Variants in SPTBN2 observed in about 807,000 individuals in gnomAD.
The protein encoded by SPTBN2 is spectrin beta chain, non-erythrocytic 2.
SPTBN2 carries 107 observed loss-of-function variants against 284.2 expected under a neutral mutation model. The observed-to-expected ratio is 0.38, with a 90% confidence interval of 0.32 to 0.44. The LOEUF (loss-of-function observed/expected upper bound fraction) is 0.44. Among genes scored for constraint, SPTBN2 ranks in the 20% least tolerant of loss-of-function variants. The probability of loss-of-function intolerance (pLI) is 1.00; values close to 1 mark genes in which losing one functional copy is unlikely to be tolerated. For missense variants in SPTBN2, 2,569 were observed against 3,287.1 expected (o/e 0.78, Z 5.34); for synonymous variants, 1,289 against 1,354.8 (o/e 0.95, Z 1.07).
In SPTBN2 at chr11:66,710,998, T is replaced by G; in HGVS notation, c.804A>C (p.Ser268=). 1 of 1,614,208 alleles carries G rather than the reference T, an allele frequency of 6.2e-7. No individual in the cohort carries two copies. The highest frequency in any genetic ancestry group is 2.2e-5 in the East Asian group (1 of 44,882). Residue 268 remains serine, a synonymous_variant, in exon 9 of 38, where the codon TCA becomes TCC. Coordinates refer to ENST00000533211, the MANE Select transcript of SPTBN2 (RefSeq NM_006946.4). The surrounding 1 kb of genome is among the most constrained non-coding windows in gnomAD (Gnocchi z 4.9). Reference sequence around the variant, plus strand: ...AGTAAGTAGCCACATAGGTAATGATTGACTTCTCATCTGGCTGGTCCACAT... The same window carrying G: ...AGTAAGTAGCCACATAGGTAATGATGGACTTCTCATCTGGCTGGTCCACAT... ...DVNVDQPDEK[S]IITYVATYYH...
At position 66,693,500 on chromosome 11, in the gene SPTBN2, G is replaced by T. The variant is rs1940707310; in HGVS notation, c.4594-54C>A. On this transcript the variant is annotated intron_variant, in intron 23 of 37. Coordinates refer to ENST00000533211, the MANE Select transcript of SPTBN2 (RefSeq NM_006946.4). This position sits in a 1 kb window ranked among gnomAD's most constrained non-coding sequence, Gnocchi z 5.7. ...TGAAAGTCCTGCCCCAGCCCCACGT[G>T]CTCCCGGAGACCACCCTTCACCCCT... is the stretch of plus-strand genomic sequence containing the variant. 6.4e-7 allele frequency: 1 copy of T among 1,560,250 alleles called. No homozygotes were observed. Among genetic ancestry groups the T allele is most frequent in the Non-Finnish European group, 8.6e-7 (1 of 1,160,992 alleles).
Position 66,684,925 on chromosome 11 carries a change from T to C in SPTBN2, c.*946A>G, listed in dbSNP as rs1396261617. Among the ~76,000 whole-genome samples the C allele has an allele frequency of 6.6e-6, 1 of 152,030 alleles. No individual in the cohort carries two copies. The highest frequency in any genetic ancestry group is 1.5e-5 in the Non-Finnish European group (1 of 68,002). On this transcript the variant is annotated 3_prime_UTR_variant, in exon 38 of 38. Coordinates refer to ENST00000533211, the MANE Select transcript of SPTBN2 (RefSeq NM_006946.4). Reference sequence around the variant, plus strand: ...TCCCAGTCTTCCAATTTGAAAACAGTTTAGAGATCACAAGTGAAGAAAATT... The same window carrying C: ...TCCCAGTCTTCCAATTTGAAAACAGCTTAGAGATCACAAGTGAAGAAAATT...
Position 66,724,274 on chromosome 11 carries a change from T to C in SPTBN2, c.-113-2834A>G, listed in dbSNP as rs1168424585. ...CCGTCTCTACTAAAAATACAAAAAA[T>C]CAGCTGGGCATGGTGGCAGGTGCCT... On this transcript the variant is annotated intron_variant, in intron 1 of 37. Transcript: ENST00000533211. Among the ~76,000 whole-genome samples, 3 of 152,006 alleles carry C rather than the reference T, an allele frequency of 2.0e-5. No homozygotes were observed. In the East Asian group the frequency reaches 5.8e-4, roughly 29 times the overall value.
Position 66,685,733 on chromosome 11 carries a change from C to G in SPTBN2, c.*138G>C. 5.1e-6 allele frequency: 4 copies of G among 783,718 alleles called. No individual in the cohort carries two copies. The highest frequency in any genetic ancestry group is 8.7e-6 in the Non-Finnish European group (4 of 458,436). The allele number at this position is 783,718 out of a possible 1,614,324, so 48.5% of individuals were successfully genotyped here. On this transcript the variant is annotated 3_prime_UTR_variant, in exon 38 of 38. Transcript: ENST00000533211. The surrounding 1 kb of genome is among the most constrained non-coding windows in gnomAD (Gnocchi z 4.4). ...GGGAACATGGACTCGTCCCCAGTGA[C>G]AGTTCCTGGTGATGGGTTGACCTTG...
At chr11:66,694,656 C>A (rs528234421) in intron 21 of SPTBN2, among the ~76,000 whole-genome samples, 6 of 152,332 alleles carry the variant, frequency 3.9e-5, no homozygotes, top group African/African-American at 1.4e-4. Flanking sequence ...CAAACCTGCA[C>A]CCACACCCGC....
rs892657338 is a variant in SPTBN2, at chr11:66,691,752, C to T, written c.5191-94G>A. Reference sequence around the variant, plus strand: ...GAGTCCTCCACTCCAAACTCAGAACCCACCTCTCCCCGCTGCATGGGGGCC... The same window carrying T: ...GAGTCCTCCACTCCAAACTCAGAACTCACCTCTCCCCGCTGCATGGGGGCC... On this transcript the variant is annotated intron_variant, in intron 26 of 37. Transcript: ENST00000533211. This position sits in a 1 kb window ranked among gnomAD's most constrained non-coding sequence, Gnocchi z 8.0. The T allele has an allele frequency of 1.3e-6, 2 of 1,569,800 alleles. No individual in the cohort carries two copies. The highest frequency in any genetic ancestry group is 2.7e-5 in the African/African-American group (2 of 74,264).
At chr11:66,732,469 G>A (rs1942820030), upstream of SPTBN2, among the ~76,000 whole-genome samples, 1 of 152,114 alleles carries the variant, frequency 6.6e-6, no homozygotes, top group Non-Finnish European at 1.5e-5. Context: ...CTAACACAGT[G>A]AAACCCCTTT....
At position 66,710,761 on chromosome 11, in the gene SPTBN2, G is replaced by A; in HGVS notation, c.894C>T (p.Asp298=). 6.2e-7 allele frequency: 1 copy of A among 1,614,014 alleles called. No homozygotes were observed. Among genetic ancestry groups the A allele is most frequent in the Non-Finnish European group, 8.5e-7 (1 of 1,180,024 alleles). The change falls in exon 10 of 38, where the codon GAC becomes GAT. Residue 298 remains aspartate, a synonymous_variant. Coordinates refer to ENST00000533211, the MANE Select transcript of SPTBN2 (RefSeq NM_006946.4). The surrounding 1 kb of genome is among the most constrained non-coding windows in gnomAD (Gnocchi z 4.9). The part of the protein sequence containing the change: ...VEGKRIGKVL[D]HAMEAERLVE... ...CCAGGCGCTCTGCCTCCATGGCATG[G>A]TCCAGCACCTGGGAGGCAGAAGACA...
intron 1 of SPTBN2, among the ~76,000 whole-genome samples, chr11:66,741,692 G>A (rs911595525): frequency 6.6e-6 from 1 of 152,034 alleles, no homozygotes; most frequent in African/African-American, 2.4e-5. Flanking sequence ...CTTAACCAAG[G>A]GCAGGTCATT....
upstream of SPTBN2, among the ~76,000 whole-genome samples, chr11:66,731,174 T>G (rs1365780323): frequency 6.6e-6 from 1 of 152,210 alleles, no homozygotes; most frequent in Non-Finnish European, 1.5e-5. Flanking sequence ...TATCAGCCGT[T>G]ATGATTTTAC....
chr11:66,700,722 G>A lies in SPTBN2; in HGVS notation c.3377C>T (p.Ala1126Val), dbSNP rs1941191019. 1 of 1,603,760 alleles carries A rather than the reference G, an allele frequency of 6.2e-7. No homozygotes were observed. ...RAQSEYSRLR[A>V]LGEEVTRDQA... The stretch of plus-strand genomic sequence containing the variant: ...GTCCCGGGTCACCTCCTCGCCCAGG[G>A]CTCGCAGCCGGCTATACTCGCTCTG... Residue 1126 changes from alanine to valine, a missense_variant, in exon 17 of 38, where the codon GCC becomes GTC. Physicochemically the swap from Ala to Val is moderately conservative, Grantham distance 64. Transcript: ENST00000533211. This position sits in a 1 kb window ranked among gnomAD's most constrained non-coding sequence, Gnocchi z 6.6.
Position 66,691,313 on chromosome 11 carries a change from C to CGTA in SPTBN2, c.5533_5535dup (p.Tyr1845dup), listed in dbSNP as rs1037582929. 1.4e-5 allele frequency: 22 copies of CGTA among 1,544,776 alleles called. No homozygotes were observed. Among genetic ancestry groups the CGTA allele is most frequent in the Non-Finnish European group, 1.9e-5 (22 of 1,141,594 alleles). ...GGGCTGAGGGCCTGAATGTCATGCT[C>CGTA]GTAGGCACAGTGTCGGCGCTGCAGG... On this transcript the variant is annotated inframe_insertion, in exon 27 of 38. Transcript: ENST00000533211. This position sits in a 1 kb window ranked among gnomAD's most constrained non-coding sequence, Gnocchi z 8.0.
At chr11:66,716,055 G>A in intron 3 of SPTBN2, 74 bp from the exon 4 acceptor site, 3 of 1,602,394 alleles carry the variant, frequency 1.9e-6, no homozygotes, top group Admixed American at 1.7e-5. Flanking sequence ...GTTGGCAGGG[G>A]TGGGGGATGG....
chr11:66,733,980 G>A (rs1164918437), upstream of SPTBN2, among the ~76,000 whole-genome samples: 15 of 100,370 alleles, frequency 1.5e-4, no homozygotes, highest in African/African-American at 6.6e-4. Flanking sequence ...GAGAGACTCC[G>A]TCTCAAAAAA....
At chr11:66,688,580 C>A in intron 31 of SPTBN2, 73 bp downstream of exon 31, 1 of 1,587,894 alleles carries the variant, frequency 6.3e-7, no homozygotes, top group Non-Finnish European at 8.6e-7. Flanking sequence ...GAAGACATGT[C>A]TTCTCCAAGC....
intron 15 of SPTBN2, among the ~76,000 whole-genome samples, chr11:66,703,545 A>G (rs1468343891): frequency 6.6e-6 from 1 of 152,086 alleles, no homozygotes; most frequent in African/African-American, 2.4e-5. Context: ...ATCCTCGCTA[A>G]CATGGTGAAA....
At position 66,715,903 on chromosome 11, in the gene SPTBN2, C is replaced by G. The variant is rs1942122301; in HGVS notation, c.236G>C (p.Gly79Ala). The change falls in exon 4 of 38, where the codon GGG becomes GCG. Residue 79 changes from glycine (G) to alanine (A), a missense_variant. This residue lies in a region of SPTBN2 where 304 missense variants were observed against 522.1 expected (regional missense o/e 0.58). Coordinates refer to ENST00000533211, the MANE Select transcript of SPTBN2 (RefSeq NM_006946.4). This position sits in a 1 kb window ranked among gnomAD's most constrained non-coding sequence, Gnocchi z 5.3. Reference sequence around the variant, plus strand: ...GTCCCGGAGGTCGCTGTACAGGTCCCCCACCCGGCACGTGACCCGGGCCAG... The same window carrying G: ...GTCCCGGAGGTCGCTGTACAGGTCCGCCACCCGGCACGTGACCCGGGCCAG... ...SHLARVTCRVGDLYSDLRDGR... is the reference protein window; with the variant it reads ...SHLARVTCRVADLYSDLRDGR... 1 of 1,613,994 alleles carries G rather than the reference C, an allele frequency of 6.2e-7. No homozygotes were observed. The highest frequency in any genetic ancestry group is 1.7e-5 in the Admixed American group (1 of 60,012).
rs867882104 is a variant in SPTBN2 at position 66,699,484 on chromosome 11, T to C, written c.3698A>G (p.Glu1233Gly). ...ANGERIHGLLEAGRQLVSEGN... is the reference protein window; with the variant it reads ...ANGERIHGLLGAGRQLVSEGN... Reference sequence around the variant, plus strand: ...TTCAGATACCAGCTGGCGGCCAGCCTCCAGGAGCCCGTGGATCCGTTCCCC... The same window carrying C: ...TTCAGATACCAGCTGGCGGCCAGCCCCCAGGAGCCCGTGGATCCGTTCCCC... Residue 1233 changes from glutamate to glycine, a missense_variant, in exon 18 of 38, where the codon GAG becomes GGG. Glu to Gly is a moderately conservative substitution (Grantham distance 98). Around this residue, in one of 6 missense-constraint regions of SPTBN2, gnomAD observed 1,012 missense variants for 1,248.9 expected, o/e 0.81. Transcript: ENST00000533211. The C allele has an allele frequency of 3.1e-6, 5 of 1,614,044 alleles. No individual in the cohort carries two copies. In the African/African-American group the frequency reaches 4.0e-5, roughly 13 times the overall value.
At chr11:66,694,423 G>C (rs929832716) in intron 21 of SPTBN2, 60 bp from the exon 22 acceptor site, 2 of 1,544,812 alleles carry the variant, frequency 1.3e-6, no homozygotes, top group Admixed American at 1.8e-5. Flanking sequence ...ATGCCCAGCA[G>C]AGACACCAAC....
Sources: gnomAD v4.1 joint callset for allele counts (sites outside exome capture counted in the v4.1 genomes callset) on GRCh38, gnomAD v4.1.1 for gene constraint, gnomAD v4.1.1 regional missense constraint, Gnocchi (gnomAD v3.1) non-coding constraint, MANE v1.5 for transcripts, NCBI Gene and HGNC (gene_info 2026-07-23, HGNC 2026-07-21) for gene names.